Variants in DUSP3 observed in about 807,000 individuals in gnomAD.
The protein encoded by DUSP3 is dual specificity protein phosphatase 3.
DUSP3 carries 7 observed loss-of-function variants against 15.5 expected under a neutral mutation model. That is an observed-to-expected ratio of 0.45 (90% CI 0.26 to 0.85). DUSP3 has a LOEUF of 0.85. Among genes scored for constraint, DUSP3 ranks in the 40% least tolerant of loss-of-function variants. The pLI, the probability that DUSP3 is intolerant of heterozygous loss-of-function variation, is 0.18. For missense variants in DUSP3, 209 were observed against 251.7 expected, an observed-to-expected ratio of 0.83 and a Z score of 1.15; for synonymous variants, 86 against 104.2, an observed-to-expected ratio of 0.83 and a Z score of 1.07.
intron 2 of DUSP3, chr17:43,774,211 G>C (rs1175630835): frequency 3.8e-6 from 1 of 264,230 alleles, no homozygotes; most frequent in Admixed American, 5.2e-5. Flanking sequence ...TGTCCTGCTT[G>C]GATGTGGTGA....
At position 43,778,806 on chromosome 17, in the gene DUSP3, C is replaced by T. The variant is rs778563305; in HGVS notation, c.119G>A (p.Gly40Asp). The stretch of plus-strand genomic sequence containing the variant: ...GCTCGCGAAAGGGACTCACGCGTTG[C>T]CCACGTAGATCCGCGGGGTGACCTC... Reference protein sequence around the residue: ...CNEVTPRIYVGNASVAQDIPK... With the variant: ...CNEVTPRIYVDNASVAQDIPK... The change falls in exon 1 of 3, where the codon GGC becomes GAC. Residue 40 changes from glycine (G) to aspartate (D), a missense_variant. Physicochemically the swap from Gly to Asp is moderately conservative, Grantham distance 94. Coordinates refer to ENST00000226004, the MANE Select transcript of DUSP3 (RefSeq NM_004090.4). The T allele has an allele frequency of 1.3e-6, 2 of 1,533,846 alleles. No homozygotes were observed. Among genetic ancestry groups the T allele is most frequent in the Non-Finnish European group, 1.8e-6 (2 of 1,142,440 alleles).
Position 43,767,612 on chromosome 17 carries a change from A to G in DUSP3, c.*1997T>C, listed in dbSNP as rs1974257633. ...TTTTAAAAAAGGTCACAATACAAGA[A>G]CAAGCTCTACTAACTTTACAGGGTT... On this transcript the variant is annotated 3_prime_UTR_variant, in exon 3 of 3. Transcript: ENST00000226004. 1 of 152,206 alleles carries G rather than the reference A, an allele frequency of 6.6e-6. No individual in the cohort carries two copies. Among genetic ancestry groups the G allele is most frequent in the Non-Finnish European group, 1.5e-5 (1 of 68,038 alleles). The allele number at this position is 152,206 out of a possible 1,614,324, so 9.4% of individuals were successfully genotyped here.
In DUSP3 at chr17:43,773,477, C is replaced by T. The variant is rs546715592; in HGVS notation, c.352+1235G>A. On this transcript the variant is annotated intron_variant, in intron 2 of 2. Transcript: ENST00000226004. ...TGCCAGCGCCTTGGTAGTTCTCCTT[C>T]AGTCTTATCTTATATTTGGGGGCTG... Among the ~76,000 whole-genome samples the T allele has an allele frequency of 6.6e-5, 10 of 152,274 alleles. No homozygotes were observed. In the South Asian group the frequency reaches 2.1e-3, roughly 32 times the overall value.
chr17:43,771,807 G>A (rs917525214), intron 2 of DUSP3, among the ~76,000 whole-genome samples: 11 of 152,112 alleles, frequency 7.2e-5, no homozygotes, highest in Non-Finnish European at 1.3e-4. Context: ...TCAGGAGTTC[G>A]AGACCATCCT....
chr17:43,778,591 G>C (rs1034130477), intron 1 of DUSP3, among the ~76,000 whole-genome samples: 8 of 152,134 alleles, frequency 5.3e-5, no homozygotes, highest in Non-Finnish European at 2.9e-5. Context: ...GAAGGGCCGC[G>C]CCCGGCCAGG....
intron 1 of DUSP3, chr17:43,778,441 G>A (rs1466429290): frequency 1.7e-5 from 3 of 172,574 alleles, no homozygotes; most frequent in African/African-American, 7.1e-5. Context: ...ATGACGCGCG[G>A]GCAGGAGACC....
rs145562561 is a variant in DUSP3, at chr17:43,769,413, G to A, written c.*196C>T. 311 of 581,462 alleles carry A rather than the reference G, an allele frequency of 5.3e-4. 1 individual carries two copies. In the East Asian group the frequency reaches 9.4e-3, roughly 18 times the overall value. The allele number at this position is 581,462 out of a possible 1,614,324, so 36.0% of individuals were successfully genotyped here. On this transcript the variant is annotated 3_prime_UTR_variant, in exon 3 of 3. Transcript: ENST00000226004. Reference sequence around the variant, plus strand: ...AACAGGACAACTGGGGAGCAAGGACGCCCCCCTTGGCAAGCTTCTTTATGT... The same window carrying A: ...AACAGGACAACTGGGGAGCAAGGACACCCCCCTTGGCAAGCTTCTTTATGT...
chr17:43,767,265 G>A lies in DUSP3; in HGVS notation c.*2344C>T, dbSNP rs1351108859. ...TGACCACTGCCTGGTCATGGGAGGG[G>A]AGCCCCAGCCCCAGCTCCCTAGCCT... is the stretch of plus-strand genomic sequence containing the variant. On this transcript the variant is annotated 3_prime_UTR_variant, in exon 3 of 3. Transcript: ENST00000226004. The A allele has an allele frequency of 6.6e-6, 1 of 152,648 alleles. No homozygotes were observed. Among genetic ancestry groups the A allele is most frequent in the Non-Finnish European group, 1.5e-5 (1 of 68,110 alleles). 9.5% of individuals were successfully genotyped at this position (152,648 alleles called of 1,614,324 possible). A position where few individuals can be genotyped will look rare whatever the true frequency, so the allele number is the denominator to read the frequency against.
intron 1 of DUSP3, among the ~76,000 whole-genome samples, chr17:43,777,193 G>A (rs921098510): frequency 3.9e-5 from 6 of 152,052 alleles, no homozygotes; most frequent in Non-Finnish European, 8.8e-5. Context: ...GGCTGGTCTC[G>A]AACTGCTGAC....
chr17:43,769,771 T>G lies in DUSP3; in HGVS notation c.396A>C (p.Pro132=). ...VHCREGYSRS[P]TLVIAYLMMR... Reference sequence around the variant, plus strand: ...TCATGAGGTAGGCGATAACTAGCGTTGGGGAGCGGCTATAACCTTCCCGGC... The same window carrying G: ...TCATGAGGTAGGCGATAACTAGCGTGGGGGAGCGGCTATAACCTTCCCGGC... Residue 132 remains proline (P), a synonymous_variant, in exon 3 of 3, where the codon CCA becomes CCC. Coordinates refer to ENST00000226004, the MANE Select transcript of DUSP3 (RefSeq NM_004090.4). 6.2e-7 allele frequency: 1 copy of G among 1,614,082 alleles called. No individual in the cohort carries two copies. The highest frequency in any genetic ancestry group is 8.5e-7 in the Non-Finnish European group (1 of 1,180,018).
chr17:43,769,965 C>T, intron 2 of DUSP3, 151 bp from the exon 3 acceptor site: 1 of 931,404 alleles, frequency 1.1e-6, no homozygotes, highest in Non-Finnish European at 1.6e-6. Context: ...ATGGAAAACC[C>T]AAAGTGCTGG....
chr17:43,770,376 G>A (rs1974299572), intron 2 of DUSP3, among the ~76,000 whole-genome samples: 1 of 152,208 alleles, frequency 6.6e-6, no homozygotes, highest in African/African-American at 2.4e-5. Context: ...GCCTGCAAGG[G>A]GCTGGGCACA....
intron 1 of DUSP3, 73 bp downstream of exon 1, chr17:43,778,727 C>A: frequency 7.1e-7 from 1 of 1,412,088 alleles, no homozygotes; most frequent in Non-Finnish European, 9.3e-7. Context: ...ACTCGCGACA[C>A]CCCGACCCCA....
chr17:43,768,804 G>T lies in DUSP3; in HGVS notation c.*805C>A, dbSNP rs185164503. 7.0e-4 allele frequency: 92 copies of T among 132,136 alleles called. No homozygotes were observed. The East Asian group carries it at 0.017, about 25-fold the overall frequency. 8.2% of individuals were successfully genotyped at this position (132,136 alleles called of 1,614,324 possible). A position where few individuals can be genotyped will look rare whatever the true frequency, so the allele number is the denominator to read the frequency against. ...CTTCAACTCCCTGTTTTCTAAAAAAGAAAAAAAAAAAAGCATGCCCAAGGC... is the reference window on the plus strand; with the variant it reads ...CTTCAACTCCCTGTTTTCTAAAAAATAAAAAAAAAAAAGCATGCCCAAGGC... On this transcript the variant is annotated 3_prime_UTR_variant, in exon 3 of 3. Coordinates refer to ENST00000226004, the MANE Select transcript of DUSP3 (RefSeq NM_004090.4).
intron 2 of DUSP3, among the ~76,000 whole-genome samples, chr17:43,772,010 C>CAAAAAAAAAAAA (rs1190299771): frequency 1.6e-5 from 1 of 64,208 alleles, no homozygotes; most frequent in Non-Finnish European, 3.8e-5. Context: ...GACTCCGTCT[C>CAAAAAAAAAAAA]AAAAAAAAAA....
At chr17:43,770,410 C>T (rs1040915612) in intron 2 of DUSP3, among the ~76,000 whole-genome samples, 3 of 152,196 alleles carry the variant, frequency 2.0e-5, no homozygotes, top group Non-Finnish European at 4.4e-5. Flanking sequence ...GTAATCCCAG[C>T]ACTTTGGGAG....
rs930134465 is a variant in DUSP3 at position 43,766,950 on chromosome 17, G to A, written c.*2659C>T. The A allele has an allele frequency of 6.6e-6, 1 of 152,284 alleles. No homozygotes were observed. Among genetic ancestry groups the A allele is most frequent in the African/African-American group, 2.4e-5 (1 of 41,428 alleles). The allele number at this position is 152,284 out of a possible 1,614,324, so 9.4% of individuals were successfully genotyped here. A position where few individuals can be genotyped will look rare whatever the true frequency, so the allele number is the denominator to read the frequency against. Reference sequence around the variant, plus strand: ...TTCCCAGGCAGTAGAAGGCTGTCCAGGAACAGCTCCCATCCGCAGCTGGGC... The same window carrying A: ...TTCCCAGGCAGTAGAAGGCTGTCCAAGAACAGCTCCCATCCGCAGCTGGGC... On this transcript the variant is annotated 3_prime_UTR_variant, in exon 3 of 3. Transcript: ENST00000226004.
chr17:43,770,698 G>A (rs1974306065), intron 2 of DUSP3, among the ~76,000 whole-genome samples: 3 of 151,476 alleles, frequency 2.0e-5, no homozygotes. Flanking sequence ...GGCCCTGGGA[G>A]CTGGGGATGG....
rs765047844 is a variant in DUSP3, at chr17:43,769,834, C to T, written c.353-20G>A. 49 of 1,613,634 alleles carry T rather than the reference C, an allele frequency of 3.0e-5. No homozygotes were observed. The highest frequency in any genetic ancestry group is 1.5e-4 in the South Asian group (14 of 91,020). On this transcript the variant is annotated intron_variant, in intron 2 of 2. Coordinates refer to ENST00000226004, the MANE Select transcript of DUSP3 (RefSeq NM_004090.4). ...CCCGGCCTGTAAGAAACAGGGGAGACGTGGTGAGCTGGGGGCGTCCCATCA... is the reference window on the plus strand; with the variant it reads ...CCCGGCCTGTAAGAAACAGGGGAGATGTGGTGAGCTGGGGGCGTCCCATCA...
Sources: allele counts gnomAD v4.1 joint callset (sites outside exome capture counted in the v4.1 genomes callset), GRCh38; gene constraint gnomAD v4.1.1; transcripts MANE v1.5; gene names NCBI Gene and HGNC (gene_info 2026-07-23, HGNC 2026-07-21).